The following LGI3 variants were observed in gnomAD, a reference collection of about 807,000 sequenced individuals.
The protein encoded by LGI3 is leucine-rich repeat LGI family member 3.
LGI3 carries 47 observed loss-of-function variants against 55.4 expected under a neutral mutation model. The ratio of observed to expected loss-of-function variants is 0.85; its 90% CI spans 0.67 to 1.08. The LOEUF (loss-of-function observed/expected upper bound fraction) is 1.08. Ranked by LOEUF, LGI3 falls within the 50% of genes least tolerant of loss-of-function variation. The pLI is 0.00. For missense variants in LGI3, 664 were observed against 726.3 expected (o/e 0.91, Z 0.99); for synonymous variants, 326 against 315.0 (o/e 1.04, Z -0.37).
At position 22,149,537 on chromosome 8, in the gene LGI3, C is replaced by G. The variant is rs147137984; in HGVS notation, c.830-560G>C. Among the ~76,000 whole-genome samples, 420 of 152,314 alleles carry G rather than the reference C, an allele frequency of 2.8e-3. 3 individuals are homozygous for G. Among genetic ancestry groups the G allele is most frequent in the Middle Eastern group, 0.01 (3 of 294 alleles). ...CCAAGACACCTTGCTGTTTGCATCA[C>G]AGTGCATGAAAACACATCCTCCCAA... On this transcript the variant is annotated intron_variant, in intron 7 of 7. Transcript: ENST00000306317.
intron 2 of LGI3, 31 bp from the exon 3 acceptor site, chr8:22,154,662 C>T (rs1827463378): frequency 1.3e-6 from 2 of 1,547,134 alleles, no homozygotes; most frequent in Non-Finnish European, 1.8e-6. Context: ...TTAGAGCTTC[C>T]AAGGGTGTGC....
intron 5 of LGI3, among the ~76,000 whole-genome samples, chr8:22,153,378 C>T (rs1827405862): frequency 6.6e-6 from 1 of 151,224 alleles, no homozygotes; most frequent in Non-Finnish European, 1.5e-5. Flanking sequence ...AGCCACCACA[C>T]CCAGCCTTTT....
chr8:22,155,713 A>G (rs1054115425), intron 1 of LGI3, among the ~76,000 whole-genome samples: 1 of 152,196 alleles, frequency 6.6e-6, no homozygotes, highest in Non-Finnish European at 1.5e-5. Context: ...CAGGCAAGAA[A>G]AGGTTCCATC....
chr8:22,151,668 G>C lies in LGI3; in HGVS notation c.665-15C>G. The C allele has an allele frequency of 3.1e-6, 5 of 1,612,646 alleles. No homozygotes were observed. The highest frequency in any genetic ancestry group is 4.2e-6 in the Non-Finnish European group (5 of 1,179,158). ...CAACACAAAATCTGCAAGATGAGAG[G>C]TGCGTTACTGAAGACCAGAGGGAGA... On this transcript the variant is annotated splice_polypyrimidine_tract_variant and intron_variant, in intron 6 of 7. Transcript: ENST00000306317.
chr8:22,153,896 G>A, intron 5 of LGI3, 72 bp downstream of exon 5: 1 of 1,497,460 alleles, frequency 6.7e-7, no homozygotes, highest in Non-Finnish European at 9.3e-7. Context: ...TCCCAATTCT[G>A]ACTCCCACAC....
intron 3 of LGI3, 95 bp from the exon 4 acceptor site, chr8:22,154,308 C>T (rs1827458098): frequency 9.3e-7 from 1 of 1,074,706 alleles, no homozygotes; most frequent in African/African-American, 1.6e-5. Flanking sequence ...CAGCCCGTGT[C>T]CCCGAGACAG....
chr8:22,150,483 C>T (rs903643909), intron 7 of LGI3, among the ~76,000 whole-genome samples: 28 of 151,380 alleles, frequency 1.8e-4, no homozygotes, highest in African/African-American at 3.9e-4. Context: ...CTCAACCTCC[C>T]GAGTAGCTGG....
intron 7 of LGI3, among the ~76,000 whole-genome samples, chr8:22,149,666 T>C (rs1359645263): frequency 6.6e-6 from 1 of 152,142 alleles, no homozygotes; most frequent in Non-Finnish European, 1.5e-5. Context: ...ACCAAGCACA[T>C]GAAACCATAC....
Position 22,156,587 on chromosome 8 carries a change from C to T in LGI3, c.-45G>A. On this transcript the variant is annotated 5_prime_UTR_variant, in exon 1 of 8. Coordinates refer to ENST00000306317, the MANE Select transcript of LGI3 (RefSeq NM_139278.4). ...TGGGGCCGGCGGCCGCGGCCCCCGC[C>T]CCACCGCTCCCGCGGCTGGGCCACC... 1 of 733,212 alleles carries T rather than the reference C, an allele frequency of 1.4e-6. No homozygotes were observed. Among genetic ancestry groups the T allele is most frequent in the Non-Finnish European group, 1.8e-6 (1 of 546,170 alleles). The allele number at this position is 733,212 out of a possible 1,614,324, so 45.4% of individuals were successfully genotyped here.
rs1283671635 is a variant in LGI3, at chr8:22,148,165, C to T, written c.1642G>A (p.Ala548Thr). The change falls in exon 8 of 8, where the codon GCC becomes ACC. Residue 548 changes from alanine (A) to threonine (T), a missense_variant. Transcript: ENST00000306317. This position sits in a 1 kb window ranked among gnomAD's most constrained non-coding sequence, Gnocchi z 7.0. Reference sequence around the variant, plus strand: ...ACCAGAGGCCTCGGCACCCCCTAGGCACTGAGATCCACCACAATGTGTCTA... The same window carrying T: ...ACCAGAGGCCTCGGCACCCCCTAGGTACTGAGATCCACCACAATGTGTCTA... The part of the protein sequence containing the change: ...VYRHIVVDLS[A>T] The T allele has an allele frequency of 6.3e-7, 1 of 1,593,602 alleles. No individual in the cohort carries two copies. Among genetic ancestry groups the T allele is most frequent in the East Asian group, 2.2e-5 (1 of 44,762 alleles).
At chr8:22,154,105 G>A (rs1362698317) in intron 4 of LGI3, 37 bp downstream of exon 4, 1 of 1,612,620 alleles carries the variant, frequency 6.2e-7, no homozygotes, top group Admixed American at 1.7e-5. Flanking sequence ...GGAGAGGTGG[G>A]GCTTTGGTGC....
intron 7 of LGI3, among the ~76,000 whole-genome samples, chr8:22,150,707 T>C (rs1257229163): frequency 1.3e-5 from 2 of 152,014 alleles, no homozygotes; most frequent in Non-Finnish European, 2.9e-5. Flanking sequence ...TGCTACTGTC[T>C]CGTGTCCAGG....
rs1478756106 is a variant in LGI3 at position 22,147,217 on chromosome 8, G to C, written c.*943C>G. 6.6e-6 allele frequency: 1 copy of C among 152,416 alleles called. No individual in the cohort carries two copies. Among genetic ancestry groups the C allele is most frequent in the Non-Finnish European group, 1.5e-5 (1 of 68,184 alleles). The allele number at this position is 152,416 out of a possible 1,614,324, so 9.4% of individuals were successfully genotyped here. A position where few individuals can be genotyped will look rare whatever the true frequency, so the allele number is the denominator to read the frequency against. ...ATCCCAAAGACAGGGTGAACCAGGGGACAGTCCAAGCCTGAGAAAGCGACA... is the reference window on the plus strand; with the variant it reads ...ATCCCAAAGACAGGGTGAACCAGGGCACAGTCCAAGCCTGAGAAAGCGACA... On this transcript the variant is annotated 3_prime_UTR_variant, in exon 8 of 8. Transcript: ENST00000306317.
At chr8:22,151,388 A>G in intron 7 of LGI3, 101 bp downstream of exon 7, 1 of 1,140,918 alleles carries the variant, frequency 8.8e-7, no homozygotes, top group Non-Finnish European at 1.3e-6. Context: ...GGTATGTCTC[A>G]TCTATCCCTC....
Position 22,148,466 on chromosome 8 carries a change from C to A in LGI3, c.1341G>T (p.Lys447Asn). The part of the protein sequence containing the change: ...LCLSRYIGDS[K>N]ILRWEGTRFS... Reference sequence around the variant, plus strand: ...AGCGGGTACCCTCCCAGCGCAGGATCTTGGAGTCGCCAATGTAGCGGCTGA... The same window carrying A: ...AGCGGGTACCCTCCCAGCGCAGGATATTGGAGTCGCCAATGTAGCGGCTGA... Residue 447 changes from lysine (K) to asparagine (N), a missense_variant, in exon 8 of 8, where the codon AAG becomes AAT. By Grantham distance (94) the Lys-to-Asn change is moderately conservative (BLOSUM62 0). Coordinates refer to ENST00000306317, the MANE Select transcript of LGI3 (RefSeq NM_139278.4). The surrounding 1 kb of genome is among the most constrained non-coding windows in gnomAD (Gnocchi z 7.0). The A allele has an allele frequency of 6.2e-7, 1 of 1,612,714 alleles. No individual in the cohort carries two copies. Among genetic ancestry groups the A allele is most frequent in the African/African-American group, 1.3e-5 (1 of 75,032 alleles).
rs1239278251 is a variant in LGI3, at chr8:22,156,486, C to A, written c.57G>T (p.Ala19=). The A allele has an allele frequency of 2.1e-6, 3 of 1,421,358 alleles. No individual in the cohort carries two copies. The highest frequency in any genetic ancestry group is 2.9e-5 in the East Asian group (1 of 34,518). 88.0% of individuals were successfully genotyped at this position (1,421,358 alleles called of 1,614,324 possible). A position where few individuals can be genotyped will look rare whatever the true frequency, so the allele number is the denominator to read the frequency against. The change falls in exon 1 of 8, where the codon GCG becomes GCT. Residue 19 remains alanine, a synonymous_variant. Coordinates refer to ENST00000306317, the MANE Select transcript of LGI3 (RefSeq NM_139278.4). ...GPGPGLLALS[A]LGFCLMLQVS... is the part of the protein sequence containing the mutation. ...CTTGCAGCATGAGGCAGAAGCCGAG[C>A]GCGGAGAGCGCCAGCAGCCCCGGCC...
Position 22,148,452 on chromosome 8 carries a change from T to C in LGI3, c.1355A>G (p.Glu452Gly). 11 of 1,610,894 alleles carry C rather than the reference T, an allele frequency of 6.8e-6. No individual in the cohort carries two copies. The highest frequency in any genetic ancestry group is 9.3e-6 in the Non-Finnish European group (11 of 1,179,512). Residue 452 changes from glutamate to glycine, a missense_variant, in exon 8 of 8, where the codon GAG becomes GGG. By Grantham distance (98) the Glu-to-Gly change is moderately conservative (BLOSUM62 -2). Transcript: ENST00000306317. This position sits in a 1 kb window ranked among gnomAD's most constrained non-coding sequence, Gnocchi z 7.0. ...YIGDSKILRW[E>G]GTRFSEVQAL... ...CTGCACCTCCGAGAAGCGGGTACCC[T>C]CCCAGCGCAGGATCTTGGAGTCGCC...
intron 3 of LGI3, 156 bp downstream of exon 3, chr8:22,154,404 C>T: frequency 2.5e-6 from 2 of 798,676 alleles, no homozygotes; most frequent in South Asian, 3.0e-5. Flanking sequence ...CGACCTTCTG[C>T]TCAGGTCCTG....
chr8:22,154,792 G>C (rs1827466095), intron 2 of LGI3, 161 bp from the exon 3 acceptor site: 1 of 620,856 alleles, frequency 1.6e-6, no homozygotes, highest in African/African-American at 1.8e-5. Context: ...AACAAGGCCA[G>C]GCAGGAGCCT....
Sources: allele counts gnomAD v4.1 joint callset (sites outside exome capture counted in the v4.1 genomes callset), GRCh38; gene constraint gnomAD v4.1.1; non-coding constraint Gnocchi (gnomAD v3.1); transcripts MANE v1.5; gene names NCBI Gene and HGNC (gene_info 2026-07-23, HGNC 2026-07-21).